The following LPAR1 variants were observed in gnomAD, a reference collection of about 807,000 sequenced individuals.
LPAR1 encodes the protein lysophosphatidic acid receptor 1, also known as LPA receptor 1.
A neutral mutation model predicts 23.8 loss-of-function variants in LPAR1; 5 were observed. The ratio of observed to expected loss-of-function variants is 0.21; its 90% confidence interval spans 0.11 to 0.44. The LOEUF is 0.44. Ranked by LOEUF, LPAR1 falls within the 20% of genes least tolerant of loss-of-function variation. The pLI is 0.99. For missense variants in LPAR1, 311 were observed against 482.8 expected, an observed-to-expected ratio of 0.64 and a Z score of 3.33; for synonymous variants, 160 against 164.7, an observed-to-expected ratio of 0.97 and a Z score of 0.22.
rs977441331 is a variant in LPAR1 at position 110,982,231 on chromosome 9, C to A, written c.-181-8673G>T. Among the ~76,000 whole-genome samples the A allele has an allele frequency of 3.3e-5, 5 of 152,098 alleles. No homozygotes were observed. The East Asian group carries it at 9.7e-4, about 29-fold the overall frequency. ...CAAAGACTTGGAACCAACCCAAATGCACATCAAATGATAGACTGAATAAAG... is the reference window on the plus strand; with the variant it reads ...CAAAGACTTGGAACCAACCCAAATGAACATCAAATGATAGACTGAATAAAG... On this transcript the variant is annotated intron_variant, in intron 2 of 5. Transcript: ENST00000683809.
chr9:110,969,182 C>T (rs2096324409), intron 4 of LPAR1, among the ~76,000 whole-genome samples: 1 of 151,674 alleles, frequency 6.6e-6, no homozygotes, highest in East Asian at 1.9e-4. Context: ...TTTTCATCTC[C>T]CAAAACCCAA....
At chr9:110,957,353 T>TA in intron 4 of LPAR1, among the ~76,000 whole-genome samples, 1 of 121,708 alleles carries the variant, frequency 8.2e-6, no homozygotes, top group East Asian at 2.3e-4. Flanking sequence ...AAAAAAAAAA[T>TA]AATAATAATA....
At chr9:110,928,261 C>T (rs1207771040) in intron 5 of LPAR1, among the ~76,000 whole-genome samples, 1 of 152,116 alleles carries the variant, frequency 6.6e-6, no homozygotes, top group African/African-American at 2.4e-5. Context: ...TTTAAATTTA[C>T]AAATGCTTTC....
At chr9:110,963,278 T>C (rs1420750219) in intron 4 of LPAR1, among the ~76,000 whole-genome samples, 4 of 152,210 alleles carry the variant, frequency 2.6e-5, no homozygotes, top group African/African-American at 9.6e-5. Flanking sequence ...TCTCAAACCT[T>C]ATCTGAGTTT....
chr9:110,908,277 C>T (rs7023077), intron 5 of LPAR1, among the ~76,000 whole-genome samples: 68,597 of 149,016 alleles, frequency 0.46, 17,599 homozygotes, highest in African/African-American at 0.71. Flanking sequence ...TGTTTAAATG[C>T]TTTTATAATT....
chr9:110,930,252 C>G (rs1248802859), intron 5 of LPAR1, among the ~76,000 whole-genome samples: 4 of 152,248 alleles, frequency 2.6e-5, no homozygotes, highest in Admixed American at 2.0e-4. Flanking sequence ...CGTGGTGGCT[C>G]ACGCCTGTAA....
intron 5 of LPAR1, among the ~76,000 whole-genome samples, chr9:110,877,074 T>C (rs1004396961): frequency 1.3e-5 from 2 of 152,190 alleles, no homozygotes; most frequent in African/African-American, 4.8e-5. Context: ...CATTTGCATC[T>C]TCAGATTTAA....
intron 4 of LPAR1, among the ~76,000 whole-genome samples, chr9:110,970,615 T>C (rs934574165): frequency 2.0e-5 from 3 of 152,102 alleles, no homozygotes; most frequent in African/African-American, 7.2e-5. Context: ...CCAAATGGTG[T>C]TGAGGAGAAA....
chr9:110,998,248 A>G lies in LPAR1; in HGVS notation c.-181-24690T>C, dbSNP rs138961403. On this transcript the variant is annotated intron_variant, in intron 2 of 5. Transcript: ENST00000683809. ...ACATAATTCAAGACTAAAGTCTCTG[A>G]TAAGTGTCTGAAGTGTTCAGTATTG... Among the ~76,000 whole-genome samples, 11 of 152,348 alleles carry G rather than the reference A, an allele frequency of 7.2e-5. No individual in the cohort carries two copies. In the East Asian group the frequency reaches 1.9e-3, roughly 27 times the overall value.
At chr9:110,919,380 G>A (rs940809366) in intron 5 of LPAR1, among the ~76,000 whole-genome samples, 2 of 152,092 alleles carry the variant, frequency 1.3e-5, no homozygotes, top group African/African-American at 4.8e-5. Flanking sequence ...CTCCACATGA[G>A]AATGCAACCC....
chr9:110,990,749 A>C (rs1328760210), intron 2 of LPAR1, among the ~76,000 whole-genome samples: 5 of 152,128 alleles, frequency 3.3e-5, no homozygotes, highest in Admixed American at 2.6e-4. Flanking sequence ...AATAGTAGAT[A>C]ATTATATAGA....
rs186994373 is a variant in LPAR1, at chr9:110,954,308, A to G, written c.46-12140T>C. Among the ~76,000 whole-genome samples the G allele has an allele frequency of 1.8e-4, 27 of 152,340 alleles. No individual in the cohort carries two copies. The East Asian group carries it at 5.0e-3, about 28-fold the overall frequency. ...GATAAAAAAAGAATGAACAAAGCCT[A>G]TGTGACATATTGGACACAATATACT... On this transcript the variant is annotated intron_variant, in intron 4 of 5. Coordinates refer to ENST00000683809, the MANE Select transcript of LPAR1 (RefSeq NM_001351411.2).
At chr9:110,916,097 C>T (rs143714037) in intron 5 of LPAR1, among the ~76,000 whole-genome samples, 132 of 152,258 alleles carry the variant, frequency 8.7e-4, no homozygotes, top group Middle Eastern at 3.4e-3. Flanking sequence ...CATTTAAATG[C>T]ATGTATACAC....
At position 110,920,946 on chromosome 9, in the gene LPAR1, G is replaced by A. The variant is rs1329886795; in HGVS notation, c.793+20475C>T. Among the ~76,000 whole-genome samples, 6 of 151,794 alleles carry A rather than the reference G, an allele frequency of 4.0e-5. No individual in the cohort carries two copies. The East Asian group carries it at 1.2e-3, about 30-fold the overall frequency. On this transcript the variant is annotated intron_variant, in intron 5 of 5. Coordinates refer to ENST00000683809, the MANE Select transcript of LPAR1 (RefSeq NM_001351411.2). ...CAGACCAGCCTGGGAAACATAATGA[G>A]ACCCCATCTCAACAACAACAACAAA...
chr9:110,960,856 C>T (rs1466403325), intron 4 of LPAR1, among the ~76,000 whole-genome samples: 3 of 152,272 alleles, frequency 2.0e-5, no homozygotes, highest in Middle Eastern at 3.4e-3. Context: ...AAACCAAATG[C>T]CAGCTCTAAA....
Position 110,875,393 on chromosome 9 carries a change from C to T in LPAR1, c.*28G>A, listed in dbSNP as rs372311988. The T allele has an allele frequency of 8.2e-6, 13 of 1,580,220 alleles. No individual in the cohort carries two copies. The Admixed American group carries it at 1.0e-4, about 13-fold the overall frequency. ...AGGCTGTTTATCCTCCAAGAGAGGA[C>T]GGCTGGTTCCTCATCTCAGTTTCCG... On this transcript the variant is annotated 3_prime_UTR_variant, in exon 6 of 6. Transcript: ENST00000683809.
At chr9:111,031,925 TAAC>T (rs1202277003) in intron 2 of LPAR1, among the ~76,000 whole-genome samples, 1 of 152,186 alleles carries the variant, frequency 6.6e-6, no homozygotes, top group Non-Finnish European at 1.5e-5. Context: ...AATGGAAGAA[TAAC>T]AAGATACATA....
chr9:111,021,436 C>T (rs1473965653), intron 2 of LPAR1, among the ~76,000 whole-genome samples: 1 of 152,168 alleles, frequency 6.6e-6, no homozygotes, highest in Non-Finnish European at 1.5e-5. Context: ...TTGAATTCAT[C>T]TTCCATATGA....
chr9:110,979,959 T>C (rs1027201484), intron 2 of LPAR1, among the ~76,000 whole-genome samples: 2 of 152,052 alleles, frequency 1.3e-5, no homozygotes, highest in African/African-American at 4.8e-5. Context: ...AAAAAGCACA[T>C]AGAAAACTAA....
Sources: gnomAD v4.1 joint callset for allele counts (sites outside exome capture counted in the v4.1 genomes callset) on GRCh38, gnomAD v4.1.1 for gene constraint, MANE v1.5 for transcripts, NCBI Gene and HGNC (gene_info 2026-07-23, HGNC 2026-07-21) for gene names.